ACVR1B: variants seen among roughly 807,000 people sequenced by gnomAD.
ACVR1B encodes activin receptor type-1B.
ACVR1B carries 15 observed loss-of-function variants against 55.6 expected under a neutral mutation model. The observed-to-expected ratio is 0.27, with a 90% CI of 0.18 to 0.42. ACVR1B has a LOEUF of 0.42. Ranked by LOEUF, ACVR1B falls within the 10% of genes least tolerant of loss-of-function variation. The pLI is 1.00. For synonymous variants in ACVR1B, 247 were observed against 254.6 expected (o/e 0.97, Z 0.28); for missense variants, 359 against 670.1 (o/e 0.54, Z 5.13).
At chr12:51,991,402 T>C (rs1942188875) in intron 7 of ACVR1B, among the ~76,000 whole-genome samples, 1 of 151,850 alleles carries the variant, frequency 6.6e-6, no homozygotes, top group South Asian at 2.1e-4. Flanking sequence ...TATTTCTTTT[T>C]GTTTAGTTGT....
chr12:51,979,107 G>A (rs1941926557), intron 3 of ACVR1B, among the ~76,000 whole-genome samples: 1 of 145,780 alleles, frequency 6.9e-6, no homozygotes, highest in Admixed American at 7.1e-5. Context: ...AGGTTGCAGT[G>A]AGCCCAGATC....
chr12:51,981,442 C>G (rs1413510963), intron 4 of ACVR1B, among the ~76,000 whole-genome samples: 1 of 152,156 alleles, frequency 6.6e-6, no homozygotes, highest in Non-Finnish European at 1.5e-5. Flanking sequence ...ACAAGATACA[C>G]CCCCTCACCC....
intron 3 of ACVR1B, among the ~76,000 whole-genome samples, chr12:51,980,109 T>C (rs1296690625): frequency 3.3e-5 from 5 of 152,186 alleles, no homozygotes; most frequent in Admixed American, 1.3e-4. Flanking sequence ...CTTTGAGCCT[T>C]AGTTTTCTTG....
At chr12:51,981,279 T>C (rs1170508543) in intron 4 of ACVR1B, 80 bp downstream of exon 4, 1 of 1,221,726 alleles carries the variant, frequency 8.2e-7, no homozygotes, top group African/African-American at 1.5e-5. Flanking sequence ...CACAGCTCTG[T>C]TTGCCTTCAT....
intron 5 of ACVR1B, 70 bp downstream of exon 5, chr12:51,984,236 C>G (rs1942036563): frequency 1.3e-6 from 2 of 1,540,720 alleles, no homozygotes; most frequent in South Asian, 2.4e-5. Flanking sequence ...TGATTTAGTT[C>G]CTAGAATTCC....
intron 5 of ACVR1B, 54 bp downstream of exon 5, chr12:51,984,220 G>T: frequency 6.3e-7 from 1 of 1,598,866 alleles, no homozygotes; most frequent in Non-Finnish European, 8.5e-7. Context: ...AAGGTCCGCA[G>T]TGTCCTGATT....
chr12:51,979,893 A>G (rs772572431), intron 3 of ACVR1B, among the ~76,000 whole-genome samples: 12 of 152,120 alleles, frequency 7.9e-5, no homozygotes, highest in South Asian at 2.1e-4. Context: ...ATGGGAGGCA[A>G]AAGACCTGTT....
At chr12:51,977,301 G>GTATT (rs1364669545) in intron 3 of ACVR1B, among the ~76,000 whole-genome samples, 4 of 152,078 alleles carry the variant, frequency 2.6e-5, no homozygotes, top group African/African-American at 4.8e-5. Context: ...ACTTATTTAT[G>GTATT]TATTTATTTA....
intron 3 of ACVR1B, among the ~76,000 whole-genome samples, chr12:51,979,432 A>G (rs187981313): frequency 1.4e-5 from 2 of 140,710 alleles, no homozygotes; most frequent in Admixed American, 1.6e-4. Flanking sequence ...ATACCATTGC[A>G]TTCCAGCCTG....
At chr12:51,974,735 A>G (rs892945201) in intron 1 of ACVR1B, among the ~76,000 whole-genome samples, 3 of 152,220 alleles carry the variant, frequency 2.0e-5, no homozygotes, top group Non-Finnish European at 2.9e-5. Flanking sequence ...CAGGAGGACA[A>G]TAATGGAGTG....
chr12:51,968,155 C>G (rs1485854813), intron 1 of ACVR1B, among the ~76,000 whole-genome samples: 1 of 152,190 alleles, frequency 6.6e-6, no homozygotes, highest in African/African-American at 2.4e-5. Flanking sequence ...ATTGCTTGAA[C>G]CTAGGAGGCA....
chr12:51,969,148 T>C (rs1408635934), intron 1 of ACVR1B, among the ~76,000 whole-genome samples: 4 of 152,206 alleles, frequency 2.6e-5, no homozygotes, highest in African/African-American at 9.7e-5. Context: ...AAGCTGTCCC[T>C]GCTGCCCTGC....
intron 1 of ACVR1B, among the ~76,000 whole-genome samples, chr12:51,963,812 AG>A (rs1473261307): frequency 6.6e-6 from 1 of 152,230 alleles, no homozygotes; most frequent in Admixed American, 6.5e-5. Flanking sequence ...GCCTTGGAGT[AG>A]AACTGCTGGG....
intron 7 of ACVR1B, among the ~76,000 whole-genome samples, chr12:51,990,737 C>T (rs1255586991): frequency 6.6e-6 from 1 of 152,180 alleles, no homozygotes; most frequent in Non-Finnish European, 1.5e-5. Flanking sequence ...ATGAATACAC[C>T]TCCTACATTT....
intron 1 of ACVR1B, among the ~76,000 whole-genome samples, chr12:51,968,968 A>G (rs948540596): frequency 3.3e-5 from 5 of 152,228 alleles, no homozygotes; most frequent in African/African-American, 1.2e-4. Context: ...AACATTTTGG[A>G]TAAAGAATGC....
intron 1 of ACVR1B, among the ~76,000 whole-genome samples, chr12:51,973,796 C>T (rs1941792947): frequency 6.6e-6 from 1 of 152,136 alleles, no homozygotes; most frequent in Non-Finnish European, 1.5e-5. Flanking sequence ...TACAACAGGC[C>T]ATAAGTGAAG....
chr12:51,989,912 G>A (rs1009119061), intron 7 of ACVR1B, among the ~76,000 whole-genome samples: 3 of 152,104 alleles, frequency 2.0e-5, no homozygotes. Flanking sequence ...GTGAACCAAG[G>A]AAGTGGAAGT....
intron 3 of ACVR1B, among the ~76,000 whole-genome samples, chr12:51,979,466 CAA>C (rs11421560): frequency 5.1e-5 from 6 of 117,756 alleles, no homozygotes; most frequent in Non-Finnish European, 8.4e-5. Flanking sequence ...GACACCATCT[CAA>C]AAAAAAAAAA....
At chr12:51,974,158 C>T (rs1468063105) in intron 1 of ACVR1B, among the ~76,000 whole-genome samples, 1 of 152,062 alleles carries the variant, frequency 6.6e-6, no homozygotes, top group African/African-American at 2.4e-5. Flanking sequence ...CAGTTGGGCC[C>T]CCACCACCTC....
Sources: gnomAD v4.1 joint callset for allele counts (sites outside exome capture counted in the v4.1 genomes callset) on GRCh38, gnomAD v4.1.1 for gene constraint, MANE v1.5 for transcripts, NCBI Gene and HGNC (gene_info 2026-07-23, HGNC 2026-07-21) for gene names.